Variants in CDC42BPA observed in about 807,000 individuals in gnomAD.
CDC42BPA encodes serine/threonine-protein kinase MRCK alpha.
A neutral mutation model predicts 223.5 loss-of-function variants in CDC42BPA; 80 were observed. The observed-to-expected ratio is 0.36, with a 90% confidence interval of 0.30 to 0.43. The LOEUF (loss-of-function observed/expected upper bound fraction) is 0.43, where lower values mean the gene tolerates loss of function less well. Ranked by LOEUF, CDC42BPA falls within the 20% of genes least tolerant of loss-of-function variation. The probability of loss-of-function intolerance (pLI) is 1.00; values close to 1 mark genes in which losing one functional copy is unlikely to be tolerated. For missense variants in CDC42BPA, 1,743 were observed against 2,099.9 expected (o/e 0.83, Z 3.32); for synonymous variants, 694 against 718.6 (o/e 0.97, Z 0.55).
intron 21 of CDC42BPA, chr1:227,068,631 TG>T: frequency 4.5e-6 from 5 of 1,106,304 alleles, no homozygotes; most frequent in Non-Finnish European, 5.8e-6. Context: ...AAGGATGCAT[TG>T]GTTTGAAAAT....
chr1:227,184,749 C>T (rs73090609), intron 5 of CDC42BPA, among the ~76,000 whole-genome samples: 4,798 of 151,922 alleles, frequency 0.032, 227 homozygotes, highest in African/African-American at 0.11. Context: ...GATTTGCCAC[C>T]TCATGAAAGA....
Position 227,026,092 on chromosome 1 carries a change from T to C in CDC42BPA, c.4493A>G (p.Asn1498Ser). ...SENAVDIFDVNSMEWIQTLPL... is the reference protein window; with the variant it reads ...SENAVDIFDVSSMEWIQTLPL... ...AAGAGTCTGAATCCATTCCATGGAG[T>C]TCACATCAAAGATATCAACTGCATT... Residue 1498 changes from asparagine to serine, a missense_variant, in exon 31 of 37, where the codon AAC becomes AGC. This residue lies in a region of CDC42BPA where 678 missense variants were observed against 777.5 expected (regional missense o/e 0.87). Coordinates refer to ENST00000366766, the MANE Select transcript of CDC42BPA (RefSeq NM_001394014.1). The C allele has an allele frequency of 1.2e-6, 2 of 1,606,758 alleles. No individual in the cohort carries two copies. The highest frequency in any genetic ancestry group is 2.2e-5 in the South Asian group (2 of 90,344).
chr1:227,045,455 A>G (rs1672251519), intron 23 of CDC42BPA, among the ~76,000 whole-genome samples: 1 of 152,200 alleles, frequency 6.6e-6, no homozygotes, highest in Non-Finnish European at 1.5e-5. Flanking sequence ...GGTATTTGTC[A>G]TCCACTAGTG....
chr1:227,183,207 T>A (rs1668236955), intron 5 of CDC42BPA: 1 of 152,206 alleles, frequency 6.6e-6, no homozygotes, highest in African/African-American at 2.4e-5. Context: ...TGTACATGTG[T>A]GTACATGTAT....
At chr1:227,224,663 G>A (rs892346014) in intron 2 of CDC42BPA, among the ~76,000 whole-genome samples, 1 of 152,088 alleles carries the variant, frequency 6.6e-6, no homozygotes, top group Non-Finnish European at 1.5e-5. Flanking sequence ...ATCCTAATAT[G>A]TTATAGAAAA....
chr1:227,297,940 ATGTG>A (rs151032239), intron 1 of CDC42BPA, among the ~76,000 whole-genome samples: 17 of 87,218 alleles, frequency 1.9e-4, no homozygotes, highest in African/African-American at 5.7e-4. Flanking sequence ...ATTTTGTTTT[ATGTG>A]TGTGTGTGTG....
At chr1:227,242,943 C>G (rs1273219995) in intron 2 of CDC42BPA, among the ~76,000 whole-genome samples, 2 of 152,146 alleles carry the variant, frequency 1.3e-5, no homozygotes, top group Non-Finnish European at 2.9e-5. Flanking sequence ...GAATGGTAGA[C>G]TAGATTTTTA....
At chr1:227,198,668 T>TA (rs1341897434) in intron 4 of CDC42BPA, among the ~76,000 whole-genome samples, 1 of 152,086 alleles carries the variant, frequency 6.6e-6, no homozygotes, top group Non-Finnish European at 1.5e-5. Flanking sequence ...CATAAACCTT[T>TA]ATTTTTTTTC....
intron 2 of CDC42BPA, chr1:227,219,190 C>T (rs1167786470): frequency 6.6e-6 from 1 of 152,170 alleles, no homozygotes; most frequent in Non-Finnish European, 1.5e-5. Context: ...GACCCTAGAA[C>T]TGGATTATGC....
At chr1:227,076,726 CCTA>C (rs932570827) in intron 17 of CDC42BPA, among the ~76,000 whole-genome samples, 3 of 152,116 alleles carry the variant, frequency 2.0e-5, no homozygotes, top group Non-Finnish European at 2.9e-5. Flanking sequence ...AATCACCCTC[CCTA>C]CTACACCTCA....
intron 21 of CDC42BPA, among the ~76,000 whole-genome samples, chr1:227,052,509 T>C (rs1673725717): frequency 6.6e-6 from 1 of 152,180 alleles, no homozygotes; most frequent in South Asian, 2.1e-4. Flanking sequence ...AGCACTTATA[T>C]TCAGTCGCAT....
chr1:227,081,706 G>A (rs1189022970), intron 16 of CDC42BPA, among the ~76,000 whole-genome samples: 1 of 151,812 alleles, frequency 6.6e-6, no homozygotes, highest in Non-Finnish European at 1.5e-5. Flanking sequence ...AGCCCACCTC[G>A]GCCTCCCAAA....
chr1:227,158,678 T>G (rs567657476), intron 6 of CDC42BPA, among the ~76,000 whole-genome samples: 1 of 152,186 alleles, frequency 6.6e-6, no homozygotes, highest in South Asian at 2.1e-4. Flanking sequence ...AGGTGTTAGC[T>G]GGCTCTCCAG....
chr1:227,247,062 G>T (rs1341519905), intron 2 of CDC42BPA, among the ~76,000 whole-genome samples: 1 of 151,676 alleles, frequency 6.6e-6, no homozygotes, highest in Non-Finnish European at 1.5e-5. Context: ...TTAGCCAGGG[G>T]TGGTGGTGGG....
At position 226,994,807 on chromosome 1, in the gene CDC42BPA, A is replaced by G. The variant is rs1661287759; in HGVS notation, c.5133+16T>C. The G allele has an allele frequency of 1.9e-6, 3 of 1,599,904 alleles. No homozygotes were observed. Among genetic ancestry groups the G allele is most frequent in the Non-Finnish European group, 2.6e-6 (3 of 1,172,258 alleles). ...TCTTTCTGATACATGACGTCTCCGGAACCCTGCCCACTCACCTCTCCGTCA... is the reference window on the plus strand; with the variant it reads ...TCTTTCTGATACATGACGTCTCCGGGACCCTGCCCACTCACCTCTCCGTCA... On this transcript the variant is annotated intron_variant, in intron 36 of 36. Coordinates refer to ENST00000366766, the MANE Select transcript of CDC42BPA (RefSeq NM_001394014.1). The surrounding 1 kb of genome is among the most constrained non-coding windows in gnomAD (Gnocchi z 4.0).
intron 1 of CDC42BPA, among the ~76,000 whole-genome samples, chr1:227,270,490 T>C (rs1685779342): frequency 6.6e-6 from 1 of 152,236 alleles, no homozygotes; most frequent in Non-Finnish European, 1.5e-5. Flanking sequence ...GAACTCATAC[T>C]AGTTACTTAT....
In CDC42BPA at chr1:227,261,538, C is replaced by A. The variant is rs950463644; in HGVS notation, c.179-7383G>T. 4.8e-5 allele frequency among the ~76,000 whole-genome samples: 7 copies of A among 144,726 alleles called. No homozygotes were observed. The East Asian group carries it at 1.3e-3, about 28-fold the overall frequency. 94.9% of individuals were successfully genotyped at this position (144,726 alleles called of 152,430 possible). ...ACATAGAAATGCTAAATAAAACAAA[C>A]AACCATGAGAGATTTTAAATATACA... On this transcript the variant is annotated intron_variant, in intron 1 of 36. Transcript: ENST00000366766.
chr1:227,156,897 T>C (rs1192517953), intron 6 of CDC42BPA, among the ~76,000 whole-genome samples: 1 of 152,082 alleles, frequency 6.6e-6, no homozygotes, highest in East Asian at 1.9e-4. Context: ...TGCTAAAGCC[T>C]CCCTGATTTC....
At chr1:227,027,020 T>C (rs1668385022) in intron 30 of CDC42BPA, among the ~76,000 whole-genome samples, 2 of 152,166 alleles carry the variant, frequency 1.3e-5, no homozygotes, top group African/African-American at 4.8e-5. Flanking sequence ...CTCGAACTTC[T>C]GGCCTCAAGC....
Sources: allele counts gnomAD v4.1 joint callset (sites outside exome capture counted in the v4.1 genomes callset), GRCh38; gene constraint gnomAD v4.1.1; regional missense constraint gnomAD v4.1.1; non-coding constraint Gnocchi (gnomAD v3.1); transcripts MANE v1.5; gene names NCBI Gene and HGNC (gene_info 2026-07-23, HGNC 2026-07-21).